Variants in MLIP observed in about 807,000 individuals in gnomAD.
The protein encoded by MLIP is muscular LMNA-interacting protein.
MLIP carries 79 observed loss-of-function variants against 84.8 expected under a neutral mutation model. The ratio of observed to expected loss-of-function variants is 0.93; its 90% CI spans 0.78 to 1.12. The LOEUF is 1.12. Among genes scored for constraint, MLIP ranks in the 50% most tolerant of loss-of-function variants. The pLI, the probability that MLIP is intolerant of heterozygous loss-of-function variation, is 0.00. For synonymous variants in MLIP, 504 were observed against 463.0 expected (o/e 1.09, Z -1.14); for missense variants, 1,257 against 1,160.6 (o/e 1.08, Z -1.21).
intron 12 of MLIP, among the ~76,000 whole-genome samples, chr6:54,245,473 C>T (rs781332527): frequency 3.9e-5 from 6 of 152,150 alleles, no homozygotes; most frequent in Non-Finnish European, 7.3e-5. Context: ...AGTCGAGTAA[C>T]TCAGGGTTAG....
rs1205248601 is a variant in MLIP, at chr6:54,065,254, G to A, written c.63+46163G>A. Reference sequence around the variant, plus strand: ...TTGATTCATGCTAAACGTCCAGAACGGTACCTGATAAATTCTTATATGTGT... The same window carrying A: ...TTGATTCATGCTAAACGTCCAGAACAGTACCTGATAAATTCTTATATGTGT... On this transcript the variant is annotated intron_variant, in intron 1 of 12. Coordinates refer to the MLIP transcript ENST00000274897. 2.0e-5 allele frequency among the ~76,000 whole-genome samples: 2 copies of A among 99,912 alleles called. 1 individual carries two copies. The highest frequency in any genetic ancestry group is 1.9e-4 in the Admixed American group (2 of 10,736). 65.5% of individuals were successfully genotyped at this position (99,912 alleles called of 152,430 possible).
At chr6:54,252,022 T>C (rs1314002388) in intron 12 of MLIP, among the ~76,000 whole-genome samples, 1 of 89,676 alleles carries the variant, frequency 1.1e-5, no homozygotes, top group Admixed American at 2.0e-4. Context: ...ATAATATAAA[T>C]ATATATATTA....
chr6:54,070,134 TAAA>T (rs1766393600), intron 1 of MLIP, among the ~76,000 whole-genome samples: 6 of 152,186 alleles, frequency 3.9e-5, no homozygotes, highest in Admixed American at 3.3e-4. Context: ...TGTTAAGTGT[TAAA>T]TGTGGGCCAT....
chr6:54,093,386 T>TTCTATTCTATTCTATTCTTC (rs1767993428), intron 1 of MLIP, among the ~76,000 whole-genome samples: 1 of 147,362 alleles, frequency 6.8e-6, no homozygotes, highest in Non-Finnish European at 1.5e-5. Context: ...TTCTATTCTA[T>TTCTATTCTATTCTATTCTTC]TCTATTCTTC....
chr6:54,250,223 A>T (rs1487592257), intron 12 of MLIP, among the ~76,000 whole-genome samples: 3 of 152,254 alleles, frequency 2.0e-5, no homozygotes, highest in African/African-American at 7.2e-5. Flanking sequence ...GATGCTGGCG[A>T]GGTCATGGAG....
intron 12 of MLIP, among the ~76,000 whole-genome samples, chr6:54,235,993 C>A (rs1781333617): frequency 6.6e-6 from 1 of 152,158 alleles, no homozygotes; most frequent in African/African-American, 2.4e-5. Flanking sequence ...CATGGGAGAA[C>A]ATTATTACCT....
rs1388233422 is a variant in MLIP at position 54,055,679 on chromosome 6, A to G, written c.63+36588A>G. ...TAAAATAAACAAAAATATAACAAAC[A>G]TGGAACACATAATAAATATGATTAT... On this transcript the variant is annotated intron_variant, in intron 1 of 12. Coordinates refer to the MLIP transcript ENST00000274897. Among the ~76,000 whole-genome samples the G allele has an allele frequency of 2.0e-5, 3 of 152,322 alleles. No individual in the cohort carries two copies. In the East Asian group the frequency reaches 5.8e-4, roughly 29 times the overall value.
At chr6:54,039,240 T>C (rs1415195392) in intron 1 of MLIP, among the ~76,000 whole-genome samples, 2 of 152,034 alleles carry the variant, frequency 1.3e-5, no homozygotes, top group Non-Finnish European at 2.9e-5. Flanking sequence ...TCCTGGGTAA[T>C]GTGCTAGAGA....
intron 4 of MLIP, among the ~76,000 whole-genome samples, chr6:54,140,859 T>C (rs1772235598): frequency 6.6e-6 from 1 of 152,186 alleles, no homozygotes; most frequent in Admixed American, 6.5e-5. Context: ...TGCTGTGTGA[T>C]ATTGAAGAAT....
chr6:54,213,491 C>T (rs960268423), intron 11 of MLIP, among the ~76,000 whole-genome samples: 2 of 152,000 alleles, frequency 1.3e-5, no homozygotes, highest in African/African-American at 4.8e-5. Context: ...TACCTGAGGT[C>T]TGGAGTTCCA....
intron 12 of MLIP, among the ~76,000 whole-genome samples, chr6:54,256,829 A>G (rs774278802): frequency 1.3e-4 from 20 of 152,180 alleles, no homozygotes; most frequent in Admixed American, 6.6e-5. Context: ...ACAATAAAGC[A>G]CAATATTTTA....
chr6:54,207,025 A>G (rs1183527689), intron 11 of MLIP, among the ~76,000 whole-genome samples: 2 of 152,140 alleles, frequency 1.3e-5, no homozygotes, highest in East Asian at 1.9e-4. Flanking sequence ...TGTAGAAATG[A>G]ATTAGTGGTT....
Position 54,137,946 on chromosome 6 carries a change from G to T in MLIP, c.1877G>T (p.Arg626Ile), listed in dbSNP as rs776279440. The change falls in exon 4 of 14, where the codon AGA becomes ATA. Residue 626 changes from arginine (R) to isoleucine (I), a missense_variant. Coordinates refer to ENST00000502396, the MANE Select transcript of MLIP (RefSeq NM_001281747.2). ...ALSSLINRSK[R>I]ASSQLSGQEL... ...TCAAGCCTGATAAACAGATCTAAAA[G>T]AGCATCATCCCAACTATCTGGCCAG... is the stretch of plus-strand genomic sequence containing the variant. The T allele has an allele frequency of 1.1e-4, 164 of 1,535,970 alleles. No homozygotes were observed. The highest frequency in any genetic ancestry group is 1.4e-4 in the Non-Finnish European group (156 of 1,146,902).
chr6:54,233,819 T>C (rs535304495), intron 12 of MLIP, among the ~76,000 whole-genome samples: 2 of 152,288 alleles, frequency 1.3e-5, no homozygotes, highest in East Asian at 3.9e-4. Flanking sequence ...ACCAACAGTG[T>C]AAAAGATTTC....
chr6:54,120,612 T>A (rs973470405), intron 1 of MLIP, among the ~76,000 whole-genome samples: 1 of 152,184 alleles, frequency 6.6e-6, no homozygotes, highest in Non-Finnish European at 1.5e-5. Flanking sequence ...CAATCAACAA[T>A]GTTAACAGAA....
Position 54,137,943 on chromosome 6 carries a change from A to G in MLIP, c.1874A>G (p.Lys625Arg), listed in dbSNP as rs147751325. ...CTTTCAAGCCTGATAAACAGATCTA[A>G]AAGAGCATCATCCCAACTATCTGGC... The part of the protein sequence containing the change: ...PALSSLINRS[K>R]RASSQLSGQE... Residue 625 changes from lysine to arginine, a missense_variant, in exon 4 of 14, where the codon AAA becomes AGA. Physicochemically the swap from Lys to Arg is conservative, Grantham distance 26. Transcript: ENST00000502396. 8.0e-4 allele frequency: 1,228 copies of G among 1,536,080 alleles called. 14 individuals are homozygous for G. The East Asian group carries it at 0.019, about 24-fold the overall frequency.
chr6:54,187,788 A>G (rs1409942989), intron 9 of MLIP, among the ~76,000 whole-genome samples: 1 of 152,180 alleles, frequency 6.6e-6, no homozygotes, highest in Non-Finnish European at 1.5e-5. Flanking sequence ...GTGAGCATCA[A>G]AGTGTATATA....
At chr6:54,046,218 T>C (rs1442508709) in intron 1 of MLIP, 1 of 151,952 alleles carries the variant, frequency 6.6e-6, no homozygotes, top group Non-Finnish European at 1.5e-5. Context: ...ACCTAACTTA[T>C]ATTAACTTTA....
intron 4 of MLIP, among the ~76,000 whole-genome samples, chr6:54,142,918 C>CAACA (rs1772441866): frequency 6.7e-6 from 1 of 148,896 alleles, no homozygotes; most frequent in African/African-American, 2.5e-5. Context: ...ACAACAACAA[C>CAACA]AAAAAAAAAA....
Sources: allele counts gnomAD v4.1 joint callset (sites outside exome capture counted in the v4.1 genomes callset), GRCh38; gene constraint gnomAD v4.1.1; transcripts MANE v1.5; gene names NCBI Gene and HGNC (gene_info 2026-07-23, HGNC 2026-07-21).